The following TRMT44 variants were observed in gnomAD, a reference collection of about 807,000 sequenced individuals.
The protein encoded by TRMT44 is probable tRNA (uracil-O(2)-)-methyltransferase.
Under a neutral mutation model 77.3 loss-of-function variants are expected in TRMT44, and 78 were observed. The observed-to-expected ratio is 1.01, with a 90% CI of 0.84 to 1.22. The LOEUF (loss-of-function observed/expected upper bound fraction) is 1.22, where lower values mean the gene tolerates loss of function less well. Among genes scored for constraint, TRMT44 ranks in the 50% most tolerant of loss-of-function variants. The probability of loss-of-function intolerance (pLI) is 0.00; values close to 1 mark genes in which losing one functional copy is unlikely to be tolerated. For synonymous variants in TRMT44, 391 were observed against 383.3 expected (o/e 1.02, Z -0.23); for missense variants, 1,090 against 964.4 (o/e 1.13, Z -1.73).
At chr4:8,458,452 T>C (rs1365198501) in intron 6 of TRMT44, among the ~76,000 whole-genome samples, 1 of 147,604 alleles carries the variant, frequency 6.8e-6, no homozygotes. Flanking sequence ...TCTTATGATT[T>C]TCTTTTCTTT....
At position 8,454,726 on chromosome 4, in the gene TRMT44, A is replaced by G. The variant is rs1324601126; in HGVS notation, c.1132-16A>G. 3.1e-6 allele frequency: 5 copies of G among 1,613,720 alleles called. No individual in the cohort carries two copies. Among genetic ancestry groups the G allele is most frequent in the Admixed American group, 1.7e-5 (1 of 60,010 alleles). On this transcript the variant is annotated splice_polypyrimidine_tract_variant and intron_variant, in intron 5 of 10. Coordinates refer to ENST00000389737, the MANE Select transcript of TRMT44 (RefSeq NM_152544.3). ...TACTAAGGTTAACCTTTGATTTCTA[A>G]AATTAATTTTTTCAGCATCCAGGCA...
intron 9 of TRMT44, among the ~76,000 whole-genome samples, chr4:8,470,690 G>T (rs983412426): frequency 6.6e-6 from 1 of 152,206 alleles, no homozygotes; most frequent in East Asian, 1.9e-4. Context: ...CACTGGGAAG[G>T]CTCAGGCCCC....
Position 8,440,800 on chromosome 4 carries a change from G to A in TRMT44, c.-23G>A, listed in dbSNP as rs1370097578. The A allele has an allele frequency of 7.0e-7, 1 of 1,418,626 alleles. No homozygotes were observed. The highest frequency in any genetic ancestry group is 2.8e-5 in the Admixed American group (1 of 35,782). 87.9% of individuals were successfully genotyped at this position (1,418,626 alleles called of 1,614,324 possible). On this transcript the variant is annotated 5_prime_UTR_variant, in exon 1 of 11. Coordinates refer to ENST00000389737, the MANE Select transcript of TRMT44 (RefSeq NM_152544.3). ...GCGTCATCTCGGCGCGCCGCTGCCAGGGCTGTACACCTGCTGGCTGCCATG... is the reference window on the plus strand; with the variant it reads ...GCGTCATCTCGGCGCGCCGCTGCCAAGGCTGTACACCTGCTGGCTGCCATG...
At chr4:8,471,625 C>T (rs1727005326) in intron 10 of TRMT44, among the ~76,000 whole-genome samples, 1 of 152,192 alleles carries the variant, frequency 6.6e-6, no homozygotes, top group South Asian at 2.1e-4. Flanking sequence ...GAAGAGTGAG[C>T]CCTGCCCCAC....
Position 8,444,701 on chromosome 4 carries a change from A to G in TRMT44, c.620-1775A>G, listed in dbSNP as rs1489577294. ...GCGTGAGCCACCTCTCCCGGCCACTATTGTACATTTTTAAATAACGAAAAG... is the reference window on the plus strand; with the variant it reads ...GCGTGAGCCACCTCTCCCGGCCACTGTTGTACATTTTTAAATAACGAAAAG... On this transcript the variant is annotated intron_variant, in intron 1 of 10. Transcript: ENST00000389737. The surrounding 1 kb of genome is among the most constrained non-coding windows in gnomAD (Gnocchi z 4.0). Among the ~76,000 whole-genome samples the G allele has an allele frequency of 4.6e-5, 7 of 152,202 alleles. No homozygotes were observed. Among genetic ancestry groups the G allele is most frequent in the Non-Finnish European group, 7.3e-5 (5 of 68,032 alleles).
chr4:8,465,256 G>A, intron 7 of TRMT44, 122 bp from the exon 8 acceptor site: 5 of 890,718 alleles, frequency 5.6e-6, no homozygotes, highest in Non-Finnish European at 5.3e-6. Context: ...AAACAATATT[G>A]GCCAGGAACA....
At chr4:8,474,422 T>TG (rs1727229227) in intron 10 of TRMT44, among the ~76,000 whole-genome samples, 1 of 152,118 alleles carries the variant, frequency 6.6e-6, no homozygotes, top group Non-Finnish European at 1.5e-5. Flanking sequence ...GAGGCAGCCG[T>TG]GGGAGGGCAA....
rs147229355 is a variant in TRMT44, at chr4:8,465,466, C to G, written c.1399C>G (p.Gln467Glu). ...CTCCCGGAGGCAGAGTAAGAAGACT[C>G]AGTACCGGGAATACCTTGACTTCAT... ...RYSRRQSKKT[Q>E]YREYLDFIKE... The change falls in exon 8 of 11, where the codon CAG becomes GAG. Residue 467 changes from glutamine (Q) to glutamate (E), a missense_variant. Transcript: ENST00000389737. 6.2e-6 allele frequency: 10 copies of G among 1,614,152 alleles called. No individual in the cohort carries two copies. Among genetic ancestry groups the G allele is most frequent in the Non-Finnish European group, 8.5e-6 (10 of 1,180,008 alleles).
At chr4:8,501,983 C>A in the TRMT44 span, among the ~76,000 whole-genome samples, 2 of 152,240 alleles carry the variant, frequency 1.3e-5, no homozygotes, top group Non-Finnish European at 2.9e-5. This position sits in a 1 kb window ranked among gnomAD's most constrained non-coding sequence, Gnocchi z 4.4. Context: ...GGGGAAGTAA[C>A]TCCTCTCCCA....
At chr4:8,486,571 G>T (rs559939044) in intron 2 of TRMT44, among the ~76,000 whole-genome samples, 3 of 150,996 alleles carry the variant, frequency 2.0e-5, no homozygotes. Flanking sequence ...GAGAATAGAC[G>T]GCCTTCTGAC....
At chr4:8,457,684 C>G (rs775205009) in intron 6 of TRMT44, among the ~76,000 whole-genome samples, 31 of 152,224 alleles carry the variant, frequency 2.0e-4, no homozygotes, top group Middle Eastern at 3.2e-3. Context: ...GCCATGAAAG[C>G]TACCGAGCCT....
rs1560234236 is a variant in TRMT44 at position 8,465,394 on chromosome 4, CGCTTCTTTGTCCTCCCCTGCT to C, written c.1337_1357del (p.Val446_Phe452del). 1 of 1,611,790 alleles carries C rather than the reference CGCTTCTTTGTCCTCCCCTGCT, an allele frequency of 6.2e-7. No individual in the cohort carries two copies. The highest frequency in any genetic ancestry group is 1.1e-5 in the South Asian group (1 of 90,704). On this transcript the variant is annotated inframe_deletion, in exon 8 of 11. Coordinates refer to ENST00000389737, the MANE Select transcript of TRMT44 (RefSeq NM_152544.3). Reference sequence around the variant, plus strand: ...TTTTTGAAGGTCTTCCTACAATTGCCGCTTCTTTGTCCTCCCCTGCTGCTTCTTTGACTTCATTGGAAGATA... The same window carrying C: ...TTTTTGAAGGTCTTCCTACAATTGCCGCTTCTTTGACTTCATTGGAAGATA...
Position 8,452,139 on chromosome 4 carries a change from T to C in TRMT44, c.1023+111T>C, listed in dbSNP as rs1725493248. Reference sequence around the variant, plus strand: ...AATCCATAACTGCCGGTGCTCACAATTCTGCTGGCCAAGGTTGGTTTCTCG... The same window carrying C: ...AATCCATAACTGCCGGTGCTCACAACTCTGCTGGCCAAGGTTGGTTTCTCG... On this transcript the variant is annotated intron_variant, in intron 4 of 10. Transcript: ENST00000389737. The surrounding 1 kb of genome is among the most constrained non-coding windows in gnomAD (Gnocchi z 5.7). 2 of 978,488 alleles carry C rather than the reference T, an allele frequency of 2.0e-6. No homozygotes were observed. The highest frequency in any genetic ancestry group is 3.1e-6 in the Non-Finnish European group (2 of 645,546). The allele number at this position is 978,488 out of a possible 1,614,324, so 60.6% of individuals were successfully genotyped here. A position where few individuals can be genotyped will look rare whatever the true frequency, so the allele number is the denominator to read the frequency against.
rs1312785099 is a variant in TRMT44, at chr4:8,440,855, C to T, written c.33C>T (p.Tyr11=). 6 of 1,516,502 alleles carry T rather than the reference C, an allele frequency of 4.0e-6. No homozygotes were observed. Among genetic ancestry groups the T allele is most frequent in the Admixed American group, 2.0e-5 (1 of 49,434 alleles). The allele number at this position is 1,516,502 out of a possible 1,614,324, so 93.9% of individuals were successfully genotyped here. The change falls in exon 1 of 11, where the codon TAC becomes TAT. Residue 11 remains tyrosine, a synonymous_variant. Transcript: ENST00000389737. MAEVGRTGIS[Y]PGALLPQGFW... The stretch of plus-strand genomic sequence containing the variant: ...AGGTGGGCCGTACCGGGATCAGCTA[C>T]CCAGGCGCGCTTCTCCCACAGGGCT...
At chr4:8,463,499 TTC>T (rs112056471) in intron 6 of TRMT44, among the ~76,000 whole-genome samples, 2 of 152,174 alleles carry the variant, frequency 1.3e-5, no homozygotes, top group Non-Finnish European at 2.9e-5. Context: ...CATATGTAAA[TTC>T]TCTGTCTATT....
intron 6 of TRMT44, among the ~76,000 whole-genome samples, 198 bp from the exon 7 acceptor site, chr4:8,463,787 A>G (rs1029943166): frequency 2.0e-5 from 3 of 152,232 alleles, no homozygotes; most frequent in Non-Finnish European, 4.4e-5. Context: ...AAAAGTTGCC[A>G]GCATTTCTTG....
intron 3 of TRMT44, 61 bp downstream of exon 3, chr4:8,449,949 C>CTTTTTCTT (rs1725325774): frequency 1.7e-5 from 4 of 239,164 alleles, no homozygotes; most frequent in Non-Finnish European, 1.8e-5. Context: ...CTTTTCTTTT[C>CTTTTTCTT]TTTTTTTTTT....
chr4:8,474,919 T>C (rs1727276188), intron 10 of TRMT44, among the ~76,000 whole-genome samples: 1 of 152,176 alleles, frequency 6.6e-6, no homozygotes, highest in African/African-American at 2.4e-5. Flanking sequence ...AGCCCTCTCC[T>C]GGCCCCACCC....
At position 8,476,013 on chromosome 4, in the gene TRMT44, G is replaced by C; in HGVS notation, c.*12G>C. Reference sequence around the variant, plus strand: ...AGAAGATTTCATGAGCTGCATCCTTGCCAGCCGAGGCCTGGTTGGGGAGGC... The same window carrying C: ...AGAAGATTTCATGAGCTGCATCCTTCCCAGCCGAGGCCTGGTTGGGGAGGC... On this transcript the variant is annotated 3_prime_UTR_variant, in exon 11 of 11. Transcript: ENST00000389737. The C allele has an allele frequency of 6.2e-7, 1 of 1,610,862 alleles. No individual in the cohort carries two copies.
Sources: gnomAD v4.1 joint callset for allele counts (sites outside exome capture counted in the v4.1 genomes callset) on GRCh38, gnomAD v4.1.1 for gene constraint, Gnocchi (gnomAD v3.1) non-coding constraint, MANE v1.5 for transcripts, NCBI Gene and HGNC (gene_info 2026-07-23, HGNC 2026-07-21) for gene names.